USP24: variants seen among roughly 807,000 people sequenced by gnomAD.
The protein encoded by USP24 is ubiquitin carboxyl-terminal hydrolase 24.
In USP24, 97 loss-of-function variants were observed where a neutral mutation model predicts 361.6. That is an observed-to-expected ratio of 0.27 (90% CI 0.23 to 0.32). USP24 has a LOEUF of 0.32. Among genes scored for constraint, USP24 ranks in the 10% least tolerant of loss-of-function variants. The pLI, the probability that USP24 is intolerant of heterozygous loss-of-function variation, is 1.00. For missense variants in USP24, 2,353 were observed against 3,165.6 expected, an observed-to-expected ratio of 0.74 and a Z score of 6.16; for synonymous variants, 1,098 against 1,124.6, an observed-to-expected ratio of 0.98 and a Z score of 0.47.
At position 55,148,566 on chromosome 1, in the gene USP24, G is replaced by C; in HGVS notation, c.1865C>G (p.Ser622Cys). The change falls in exon 17 of 68, where the codon TCT (serine) becomes TGT (cysteine). Residue 622 changes from serine (S) to cysteine (C), a missense_variant. Ser to Cys is a moderately radical substitution (Grantham distance 112). Coordinates refer to ENST00000294383, the MANE Select transcript of USP24 (RefSeq NM_015306.3). ...EKNKKDGFKS[S>C]QLNNPQFVWV... ...TACAAACTGGGGATTATTAAGCTGA[G>C]ATGACTAGAGTTAAAAAGAAGTTAC... 3.2e-6 allele frequency: 5 copies of C among 1,569,582 alleles called. No individual in the cohort carries two copies. Among genetic ancestry groups the C allele is most frequent in the Non-Finnish European group, 4.3e-6 (5 of 1,156,326 alleles).
chr1:55,078,710 T>C (rs1346131122), intron 60 of USP24, 59 bp from the exon 61 acceptor site: 1 of 1,366,202 alleles, frequency 7.3e-7, no homozygotes, highest in African/African-American at 1.4e-5. Flanking sequence ...ACTCCATCTG[T>C]TGTTGCTGCC....
intron 34 of USP24, 67 bp downstream of exon 34, chr1:55,125,253 A>T: frequency 6.8e-7 from 1 of 1,464,424 alleles, no homozygotes; most frequent in East Asian, 2.3e-5. Context: ...TCCCCATAGC[A>T]CCTCTTCCTA....
intron 16 of USP24, among the ~76,000 whole-genome samples, chr1:55,153,441 T>C (rs575351445): frequency 1.5e-4 from 23 of 152,170 alleles, no homozygotes; most frequent in Non-Finnish European, 2.5e-4. Context: ...CCTGAAACAC[T>C]ACTATGTGCA....
chr1:55,094,221 T>A, intron 51 of USP24, 134 bp from the exon 52 acceptor site: 1 of 840,420 alleles, frequency 1.2e-6, no homozygotes, highest in Non-Finnish European at 1.8e-6. Flanking sequence ...CATAAAACTG[T>A]ACCACATAAA....
intron 67 of USP24, among the ~76,000 whole-genome samples, chr1:55,070,748 T>A (rs376297012): frequency 6.6e-6 from 1 of 152,114 alleles, no homozygotes; most frequent in Non-Finnish European, 1.5e-5. Context: ...GAGAAACCAG[T>A]GTGCTGAGAC....
chr1:55,144,322 T>C, intron 20 of USP24, 119 bp from the exon 21 acceptor site: 1 of 540,846 alleles, frequency 1.8e-6, no homozygotes, highest in East Asian at 3.4e-5. Context: ...GCTTCTTAGA[T>C]ATGGTACCAA....
At chr1:55,159,900 G>A (rs921755541) in intron 8 of USP24, among the ~76,000 whole-genome samples, 2 of 152,116 alleles carry the variant, frequency 1.3e-5, no homozygotes, top group African/African-American at 4.8e-5. Flanking sequence ...TATAATATGA[G>A]TACATTTTCT....
At chr1:55,093,607 C>T in intron 52 of USP24, 1 of 207,258 alleles carries the variant, frequency 4.8e-6, no homozygotes, top group Non-Finnish European at 9.8e-6. Context: ...TTTTTCTCTC[C>T]AGACAAAATA....
chr1:55,182,488 C>T (rs1644003245), intron 1 of USP24, among the ~76,000 whole-genome samples: 1 of 152,122 alleles, frequency 6.6e-6, no homozygotes, highest in Admixed American at 6.5e-5. Context: ...TAGTTCATTA[C>T]CATGGGATAT....
At chr1:55,072,141 A>G (rs1325234430) in intron 66 of USP24, among the ~76,000 whole-genome samples, 176 bp downstream of exon 66, 1 of 152,096 alleles carries the variant, frequency 6.6e-6, no homozygotes, top group African/African-American at 2.4e-5. Flanking sequence ...TAATCTGCAC[A>G]AATTTGTGTA....
At chr1:55,142,524 G>A (rs1570525843) in intron 23 of USP24, among the ~76,000 whole-genome samples, 1 of 152,240 alleles carries the variant, frequency 6.6e-6, no homozygotes. Context: ...TGGATGGAGT[G>A]GGGAAGACAG....
At chr1:55,185,445 T>A (rs1331140295) in intron 1 of USP24, among the ~76,000 whole-genome samples, 1 of 151,202 alleles carries the variant, frequency 6.6e-6, no homozygotes, top group East Asian at 1.9e-4. Flanking sequence ...AAACCAAAAG[T>A]TGGTTCTTTG....
In USP24 at chr1:55,138,460, C is replaced by A. The variant is rs1490791686; in HGVS notation, c.2928+148G>T. 1.4e-5 allele frequency: 8 copies of A among 557,890 alleles called. No individual in the cohort carries two copies. In the East Asian group the frequency reaches 2.0e-4, roughly 14 times the overall value. The allele number at this position is 557,890 out of a possible 1,614,324, so 34.6% of individuals were successfully genotyped here. A position where few individuals can be genotyped will look rare whatever the true frequency, so the allele number is the denominator to read the frequency against. ...ATATTTATTTATATATCTGCTTGTA[C>A]CCCACAGTTTCATTTCAGGTCTTTA... On this transcript the variant is annotated intron_variant, in intron 26 of 67. Transcript: ENST00000294383.
At chr1:55,130,005 G>A (rs144320610) in intron 31 of USP24, among the ~76,000 whole-genome samples, 1 of 152,128 alleles carries the variant, frequency 6.6e-6, no homozygotes, top group South Asian at 2.1e-4. Context: ...AATGTATCAG[G>A]CATATGTATT....
chr1:55,174,713 C>T (rs1649781930), intron 3 of USP24, among the ~76,000 whole-genome samples: 1 of 152,244 alleles, frequency 6.6e-6, no homozygotes, highest in Non-Finnish European at 1.5e-5. Context: ...ACTCTGAATA[C>T]ACTTTTCCTT....
chr1:55,083,454 G>T, intron 57 of USP24, 90 bp from the exon 58 acceptor site: 1 of 1,195,942 alleles, frequency 8.4e-7, no homozygotes, highest in Non-Finnish European at 1.2e-6. Context: ...GTTTTAAGGA[G>T]TCAATATATT....
chr1:55,201,367 C>T (rs537178246), intron 1 of USP24, among the ~76,000 whole-genome samples: 1 of 151,624 alleles, frequency 6.6e-6, no homozygotes, highest in East Asian at 1.9e-4. Flanking sequence ...CTTTGGGAGG[C>T]CAAGGCAGGT....
intron 34 of USP24, 63 bp downstream of exon 34, chr1:55,125,257 C>T: frequency 6.6e-7 from 1 of 1,516,560 alleles, no homozygotes; most frequent in South Asian, 1.1e-5. Context: ...CATAGCACCT[C>T]TTCCTAAACA....
intron 59 of USP24, 101 bp from the exon 60 acceptor site, chr1:55,079,760 C>T (rs1645105885): frequency 2.8e-6 from 4 of 1,430,262 alleles, no homozygotes; most frequent in Non-Finnish European, 9.2e-7. Context: ...GACTCGCACA[C>T]ACACTGAGTA....
Sources: gnomAD v4.1 joint callset for allele counts (sites outside exome capture counted in the v4.1 genomes callset) on GRCh38, gnomAD v4.1.1 for gene constraint, MANE v1.5 for transcripts, NCBI Gene and HGNC (gene_info 2026-07-23, HGNC 2026-07-21) for gene names.